Variants in GALNT7 observed in about 807,000 individuals in gnomAD.
GALNT7 encodes the protein N-acetylgalactosaminyltransferase 7.
A neutral mutation model predicts 82.1 loss-of-function variants in GALNT7; 60 were observed. That is an observed-to-expected ratio of 0.73 (90% CI 0.59 to 0.91). The LOEUF is 0.91. GALNT7 is among the 40% of genes least tolerant of loss of function. GALNT7 has a pLI of 0.00. For synonymous variants in GALNT7, 243 were observed against 275.1 expected, an observed-to-expected ratio of 0.88 and a Z score of 1.15; for missense variants, 660 against 804.2, an observed-to-expected ratio of 0.82 and a Z score of 2.17.
At chr4:173,274,898 T>C (rs1735846152) in intron 2 of GALNT7, among the ~76,000 whole-genome samples, 1 of 152,236 alleles carries the variant, frequency 6.6e-6, no homozygotes, top group Non-Finnish European at 1.5e-5. Flanking sequence ...TGGATGCTCA[T>C]GTGCCTTCTC....
intron 2 of GALNT7, among the ~76,000 whole-genome samples, chr4:173,275,248 G>C (rs1735858701): frequency 6.6e-6 from 1 of 152,212 alleles, no homozygotes; most frequent in Non-Finnish European, 1.5e-5. Context: ...AGTAGAGACT[G>C]CAAGCTGAAT....
chr4:173,222,084 G>A (rs1733662486), intron 1 of GALNT7, among the ~76,000 whole-genome samples: 1 of 152,140 alleles, frequency 6.6e-6, no homozygotes, highest in South Asian at 2.1e-4. Flanking sequence ...GATAGAACTA[G>A]GAACCATAAC....
chr4:173,205,194 A>T (rs1319887724), intron 1 of GALNT7, among the ~76,000 whole-genome samples: 1 of 152,022 alleles, frequency 6.6e-6, no homozygotes, highest in Non-Finnish European at 1.5e-5. Context: ...GTTGATCTGA[A>T]GCCTGGGGGG....
intron 11 of GALNT7, among the ~76,000 whole-genome samples, chr4:173,321,370 C>T (rs1201261339): frequency 6.6e-6 from 1 of 152,046 alleles, no homozygotes; most frequent in African/African-American, 2.4e-5. Flanking sequence ...TATATTGTGA[C>T]TTAACAATGA....
rs1460717404 is a variant in GALNT7 at position 173,184,350 on chromosome 4, A to C, written c.126+15389A>C. 3.3e-5 allele frequency among the ~76,000 whole-genome samples: 5 copies of C among 152,110 alleles called. No individual in the cohort carries two copies. In the East Asian group the frequency reaches 9.7e-4, roughly 29 times the overall value. ...GCGAGACTCCGTCTGCAATCCCTGC[A>C]CCTAGGGAGGCTGAGGCTGGCAGAT... On this transcript the variant is annotated intron_variant, in intron 1 of 11. Coordinates refer to ENST00000265000, the MANE Select transcript of GALNT7 (RefSeq NM_017423.3).
At chr4:173,186,284 A>G (rs547032719) in intron 1 of GALNT7, among the ~76,000 whole-genome samples, 2 of 152,366 alleles carry the variant, frequency 1.3e-5, no homozygotes, top group Non-Finnish European at 2.9e-5. Context: ...CTGGCGGATT[A>G]AAAATAAAAG....
intron 2 of GALNT7, among the ~76,000 whole-genome samples, chr4:173,263,809 A>G (rs1196849448): frequency 6.6e-6 from 1 of 152,198 alleles, no homozygotes; most frequent in African/African-American, 2.4e-5. Flanking sequence ...CAGGGTTCCC[A>G]AAAGTTGTCC....
intron 1 of GALNT7, among the ~76,000 whole-genome samples, chr4:173,221,890 A>G (rs1195282030): frequency 6.6e-6 from 1 of 152,224 alleles, no homozygotes; most frequent in African/African-American, 2.4e-5. Flanking sequence ...TTTAATTACT[A>G]CTGGTCAGAG....
At chr4:173,265,285 G>A (rs963637233) in intron 2 of GALNT7, among the ~76,000 whole-genome samples, 1 of 152,116 alleles carries the variant, frequency 6.6e-6, no homozygotes, top group Non-Finnish European at 1.5e-5. Flanking sequence ...CAGCTCCAGG[G>A]GTGGAGGAAA....
rs568389714 is a variant in GALNT7, at chr4:173,244,001, G to T, written c.127-3979G>T. On this transcript the variant is annotated intron_variant, in intron 1 of 11. Coordinates refer to ENST00000265000, the MANE Select transcript of GALNT7 (RefSeq NM_017423.3). ...CAGGATAAGCACTGGGCATGCAGTG[G>T]TGCGTACGATGGACATAGCCTCTGC... Among the ~76,000 whole-genome samples, 9 of 152,342 alleles carry T rather than the reference G, an allele frequency of 5.9e-5. No homozygotes were observed. The South Asian group carries it at 1.9e-3, about 32-fold the overall frequency.
intron 3 of GALNT7, among the ~76,000 whole-genome samples, chr4:173,293,294 T>A (rs111227317): frequency 1.1e-3 from 170 of 152,128 alleles, no homozygotes; most frequent in African/African-American, 3.7e-3. Flanking sequence ...TTTTTTTTTA[T>A]CTTTACTTCT....
intron 8 of GALNT7, among the ~76,000 whole-genome samples, chr4:173,313,158 A>G (rs1737454506): frequency 6.6e-6 from 1 of 152,214 alleles, no homozygotes; most frequent in Admixed American, 6.5e-5. Flanking sequence ...TAGTTATAAC[A>G]GGATCAATAA....
At position 173,227,834 on chromosome 4, in the gene GALNT7, G is replaced by A. The variant is rs1410565522; in HGVS notation, c.127-20146G>A. On this transcript the variant is annotated intron_variant, in intron 1 of 11. Coordinates refer to ENST00000265000, the MANE Select transcript of GALNT7 (RefSeq NM_017423.3). ...CTTTTAAAAAAAATCGCTTAAGCTA[G>A]GGTTTTTGTTTCTGTTTTTTAAATG... Among the ~76,000 whole-genome samples, 8 of 151,998 alleles carry A rather than the reference G, an allele frequency of 5.3e-5. No individual in the cohort carries two copies. In the East Asian group the frequency reaches 1.4e-3, roughly 26 times the overall value.
At chr4:173,246,018 G>A (rs1449330510) in intron 1 of GALNT7, among the ~76,000 whole-genome samples, 1 of 152,128 alleles carries the variant, frequency 6.6e-6, no homozygotes, top group Non-Finnish European at 1.5e-5. Flanking sequence ...ATACAATCAG[G>A]CTGTGTTGCC....
chr4:173,273,983 G>A (rs148914588), intron 2 of GALNT7, among the ~76,000 whole-genome samples: 39 of 152,252 alleles, frequency 2.6e-4, no homozygotes, highest in African/African-American at 8.4e-4. Context: ...ATATATTGGT[G>A]TTTGATAAGC....
At chr4:173,188,899 C>T (rs1441284567) in intron 1 of GALNT7, among the ~76,000 whole-genome samples, 1 of 152,240 alleles carries the variant, frequency 6.6e-6, no homozygotes, top group East Asian at 1.9e-4. Flanking sequence ...CTAAACTCCT[C>T]AAAAGCAGAC....
intron 1 of GALNT7, among the ~76,000 whole-genome samples, chr4:173,223,954 C>T (rs1231003746): frequency 6.6e-6 from 1 of 152,126 alleles, no homozygotes; most frequent in African/African-American, 2.4e-5. Flanking sequence ...CAGGTTGTTT[C>T]ATCGCTGGTA....
At chr4:173,267,228 A>G (rs536200566) in intron 2 of GALNT7, among the ~76,000 whole-genome samples, 1 of 152,090 alleles carries the variant, frequency 6.6e-6, no homozygotes, top group Non-Finnish European at 1.5e-5. Context: ...TAATTTTTAA[A>G]AGCCACCTTA....
intron 6 of GALNT7, among the ~76,000 whole-genome samples, chr4:173,301,265 T>C (rs1736923619): frequency 6.6e-6 from 1 of 152,006 alleles, no homozygotes. Context: ...TACCCTAAAA[T>C]TTAAGAATCA....
Sources: allele counts gnomAD v4.1 joint callset (sites outside exome capture counted in the v4.1 genomes callset), GRCh38; gene constraint gnomAD v4.1.1; transcripts MANE v1.5; gene names NCBI Gene and HGNC (gene_info 2026-07-23, HGNC 2026-07-21).